Variants in CTNNA2 observed in about 807,000 individuals in gnomAD.
The protein encoded by CTNNA2 is catenin alpha 2, also known as catenin alpha-2.
In CTNNA2, 42 loss-of-function variants were observed where a neutral mutation model predicts 101.0. The observed-to-expected ratio is 0.42, with a 90% CI of 0.32 to 0.54. The LOEUF (loss-of-function observed/expected upper bound fraction) is 0.54, where lower values mean the gene tolerates loss of function less well. CTNNA2 is among the 20% of genes least tolerant of loss of function. The pLI is 0.14. For missense variants in CTNNA2, 871 were observed against 1,223.1 expected (o/e 0.71, Z 4.29); for synonymous variants, 450 against 456.4 (o/e 0.99, Z 0.18).
At chr2:80,400,115 G>T (rs147778024) in intron 8 of CTNNA2, among the ~76,000 whole-genome samples, 2 of 152,230 alleles carry the variant, frequency 1.3e-5, no homozygotes, top group East Asian at 3.9e-4. Context: ...ACAGCTAATC[G>T]CCTTGATTCT....
chr2:79,458,392 A>T (rs1423945675), intron 4 of CTNNA2, among the ~76,000 whole-genome samples: 1 of 152,246 alleles, frequency 6.6e-6, no homozygotes, highest in Non-Finnish European at 1.5e-5. Flanking sequence ...ACCAAGCATG[A>T]CTAGAGTAAG....
chr2:79,699,811 ACACAC>A (rs1558850830), intron 2 of CTNNA2, among the ~76,000 whole-genome samples: 5 of 147,236 alleles, frequency 3.4e-5, no homozygotes, highest in African/African-American at 7.5e-5. Context: ...ACACACACAC[ACACAC>A]ACACACACAC....
chr2:80,158,760 A>C (rs568778612), intron 7 of CTNNA2, among the ~76,000 whole-genome samples: 5 of 152,148 alleles, frequency 3.3e-5, no homozygotes, highest in South Asian at 2.1e-4. Flanking sequence ...AAATACAAAA[A>C]ATTAGCCAGG....
intron 3 of CTNNA2, among the ~76,000 whole-genome samples, chr2:79,815,618 T>A (rs1232177833): frequency 6.6e-6 from 1 of 152,222 alleles, no homozygotes; most frequent in Non-Finnish European, 1.5e-5. Context: ...CATTGGTCTA[T>A]GTGCCTATTT....
intron 3 of CTNNA2, among the ~76,000 whole-genome samples, chr2:79,819,873 T>C (rs539000674): frequency 4.6e-5 from 7 of 152,196 alleles, no homozygotes; most frequent in African/African-American, 1.7e-4. Context: ...TCTATGCTTG[T>C]ATCAAAATAT....
rs908160345 is a variant in CTNNA2, at chr2:79,375,121, T to A, written c.-135+1108T>A. 3.3e-5 allele frequency among the ~76,000 whole-genome samples: 5 copies of A among 152,320 alleles called. No individual in the cohort carries two copies. In the South Asian group the frequency reaches 1.0e-3, roughly 32 times the overall value. On this transcript the variant is annotated intron_variant, in intron 4 of 21. Coordinates refer to the CTNNA2 transcript ENST00000466387. ...GGGTCTCATTTTGAATTCTCTTTAC[T>A]ATTTCATTCTGTTCTGCATCAGCAA...
intron 2 of CTNNA2, among the ~76,000 whole-genome samples, chr2:79,235,595 G>A (rs898410344): frequency 2.6e-5 from 4 of 152,166 alleles, no homozygotes; most frequent in African/African-American, 9.7e-5. Context: ...GGCCTGCCCT[G>A]CAGAAGGAGG....
chr2:80,560,375 G>A (rs1416482314), intron 12 of CTNNA2, among the ~76,000 whole-genome samples: 1 of 152,098 alleles, frequency 6.6e-6, no homozygotes, highest in Non-Finnish European at 1.5e-5. Context: ...GGATTCAGAA[G>A]AACTGTTATT....
intron 18 of CTNNA2, among the ~76,000 whole-genome samples, chr2:80,627,009 C>T (rs1424883365): frequency 2.6e-5 from 4 of 152,086 alleles, no homozygotes; most frequent in African/African-American, 7.2e-5. Flanking sequence ...TGATGGTTTC[C>T]AACTTCAACC....
intron 7 of CTNNA2, among the ~76,000 whole-genome samples, chr2:80,360,046 T>A (rs575904191): frequency 1.3e-5 from 2 of 152,158 alleles, no homozygotes; most frequent in Non-Finnish European, 2.9e-5. Flanking sequence ...TTTATTTACA[T>A]CTTTAATTCC....
intron 18 of CTNNA2, among the ~76,000 whole-genome samples, chr2:80,647,228 T>C (rs1322160211): frequency 6.6e-6 from 1 of 152,086 alleles, no homozygotes; most frequent in Non-Finnish European, 1.5e-5. Context: ...TACTTCCATT[T>C]CTTGGGCCAT....
At chr2:80,363,772 C>A (rs1030104859) in intron 7 of CTNNA2, among the ~76,000 whole-genome samples, 1 of 152,160 alleles carries the variant, frequency 6.6e-6, no homozygotes, top group Non-Finnish European at 1.5e-5. Flanking sequence ...AAAACCCCTG[C>A]TATAAATCTT....
chr2:80,621,857 G>GT (rs1671160839), intron 18 of CTNNA2, among the ~76,000 whole-genome samples: 1 of 151,886 alleles, frequency 6.6e-6, no homozygotes, highest in Admixed American at 6.6e-5. Context: ...AGTGAATACA[G>GT]TAAGTGCCAA....
chr2:80,393,426 C>T (rs759334623), intron 8 of CTNNA2, 135 bp downstream of exon 8: 8 of 635,588 alleles, frequency 1.3e-5, no homozygotes, highest in Non-Finnish European at 2.1e-5. Context: ...CAAATAAAAA[C>T]CCCATTTTAT....
chr2:79,262,043 C>T (rs1448058553), intron 2 of CTNNA2, among the ~76,000 whole-genome samples: 1 of 152,178 alleles, frequency 6.6e-6, no homozygotes, highest in Admixed American at 6.6e-5. Context: ...CATATTAATT[C>T]TTTCTCCTGT....
intron 2 of CTNNA2, among the ~76,000 whole-genome samples, chr2:79,694,543 T>G (rs1161325500): frequency 1.4e-5 from 2 of 147,146 alleles, no homozygotes; most frequent in African/African-American, 2.5e-5. Context: ...CATTTCTGTG[T>G]TTTTTTTTTA....
rs1684345829 is a variant in CTNNA2, at chr2:79,892,071, T to C, written c.853-17523T>C. 2.0e-5 allele frequency among the ~76,000 whole-genome samples: 3 copies of C among 152,136 alleles called. No homozygotes were observed. The South Asian group carries it at 6.2e-4, about 31-fold the overall frequency. ...TTATCATATTGGCTTGTCATTTGTA[T>C]ACATGTTTGCTCTTCTCCCATACAC... On this transcript the variant is annotated intron_variant, in intron 6 of 18. Coordinates refer to ENST00000402739, the MANE Select transcript of CTNNA2 (RefSeq NM_001282597.3).
At chr2:79,689,991 T>C (rs1183091815) in intron 2 of CTNNA2, among the ~76,000 whole-genome samples, 3 of 151,914 alleles carry the variant, frequency 2.0e-5, no homozygotes, top group Non-Finnish European at 4.4e-5. Context: ...TGCATATACA[T>C]ACCTAAAATA....
intron 7 of CTNNA2, among the ~76,000 whole-genome samples, chr2:80,268,418 T>G (rs1573554810): frequency 1.3e-5 from 2 of 152,214 alleles, no homozygotes; most frequent in African/African-American, 4.8e-5. Flanking sequence ...ACAGAGAAGT[T>G]AAATGATTGC....
Sources: gnomAD v4.1 joint callset for allele counts (sites outside exome capture counted in the v4.1 genomes callset) on GRCh38, gnomAD v4.1.1 for gene constraint, MANE v1.5 for transcripts, NCBI Gene and HGNC (gene_info 2026-07-23, HGNC 2026-07-21) for gene names.